CELF2: variants seen among roughly 807,000 people sequenced by gnomAD.
CELF2 encodes the protein CUG triplet repeat RNA-binding protein 2.
CELF2 carries 8 observed loss-of-function variants against 62.6 expected under a neutral mutation model. The ratio of observed to expected loss-of-function variants is 0.13; its 90% CI spans 0.07 to 0.23. The LOEUF (loss-of-function observed/expected upper bound fraction) is 0.23, where lower values mean the gene tolerates loss of function less well. Ranked by LOEUF, CELF2 falls within the 10% of genes least tolerant of loss-of-function variation. The probability of loss-of-function intolerance (pLI) is 1.00; values close to 1 mark genes in which losing one functional copy is unlikely to be tolerated. For synonymous variants in CELF2, 258 were observed against 250.0 expected (o/e 1.03, Z -0.30); for missense variants, 333 against 671.0 (o/e 0.50, Z 5.56).
At chr10:10,582,735 C>T in the CELF2 span, among the ~76,000 whole-genome samples, 7 of 151,946 alleles carry the variant, frequency 4.6e-5, no homozygotes, top group Admixed American at 6.6e-5. Context: ...TCCCTAAAAG[C>T]GTAAAAATAT....
intron 1 of CELF2, among the ~76,000 whole-genome samples, chr10:10,912,578 C>T (rs1291693859): frequency 2.6e-5 from 4 of 152,152 alleles, no homozygotes; most frequent in African/African-American, 4.8e-5. Context: ...CCATATTGGC[C>T]AGGGTGGTCT....
In CELF2 at chr10:10,970,442, T is replaced by G. The variant is rs537502920; in HGVS notation, c.89+50443T>G. ...AAGAGGAAACCCATCGAAAAGCTTT[T>G]GTTGATGCAGCCTGCTTAGAACAGA... On this transcript the variant is annotated intron_variant, in intron 2 of 13. Coordinates refer to the CELF2 transcript ENST00000636488. Among the ~76,000 whole-genome samples, 3 of 152,346 alleles carry G rather than the reference T, an allele frequency of 2.0e-5. No individual in the cohort carries two copies. The South Asian group carries it at 6.2e-4, about 32-fold the overall frequency.
chr10:11,080,859 G>C (rs547225841), intron 1 of CELF2, among the ~76,000 whole-genome samples: 25 of 152,318 alleles, frequency 1.6e-4, no homozygotes, highest in Middle Eastern at 6.8e-3. Context: ...GTTGATCCAC[G>C]TCTGTTGTCA....
At chr10:11,238,184 C>T (rs2072277008) in intron 3 of CELF2, among the ~76,000 whole-genome samples, 1 of 152,316 alleles carries the variant, frequency 6.6e-6, no homozygotes, top group South Asian at 2.1e-4. Flanking sequence ...TGTCAGTATA[C>T]TTCCCACTTA....
At chr10:11,103,201 C>T (rs2052285184) in intron 1 of CELF2, among the ~76,000 whole-genome samples, 1 of 152,136 alleles carries the variant, frequency 6.6e-6, no homozygotes, top group Admixed American at 6.5e-5. Flanking sequence ...GAAAAAAATC[C>T]ACGCTTTGCC....
rs746285729 is a variant in CELF2, at chr10:11,318,425, C to T, written c.1097-2764C>T. On this transcript the variant is annotated intron_variant, in intron 10 of 12. Coordinates refer to ENST00000633077, the MANE Select transcript of CELF2 (RefSeq NM_001326342.2). This position sits in a 1 kb window ranked among gnomAD's most constrained non-coding sequence, Gnocchi z 5.4. ...CTGCATCCCTTGCTCATGGTACCGC[C>T]TCTGCCACCTCCCCAGGGAAACAGG... The T allele has an allele frequency of 3.4e-6, 1 of 295,716 alleles. No individual in the cohort carries two copies. The highest frequency in any genetic ancestry group is 3.0e-5 in the South Asian group (1 of 33,278). 18.3% of individuals were successfully genotyped at this position (295,716 alleles called of 1,614,324 possible). A position where few individuals can be genotyped will look rare whatever the true frequency, so the allele number is the denominator to read the frequency against.
intron 1 of CELF2, among the ~76,000 whole-genome samples, chr10:11,062,410 A>G (rs1462828918): frequency 6.6e-6 from 1 of 152,226 alleles, no homozygotes; most frequent in Admixed American, 6.5e-5. Flanking sequence ...CCTTCTGGAA[A>G]GGATTTACCA....
intron 2 of CELF2, among the ~76,000 whole-genome samples, chr10:10,969,891 T>C (rs1473411073): frequency 2.0e-5 from 3 of 152,184 alleles, no homozygotes; most frequent in African/African-American, 7.2e-5. Context: ...AGTTTACCAA[T>C]GTACTACCTA....
chr10:10,522,093 T>C, the CELF2 span, among the ~76,000 whole-genome samples: 2 of 152,184 alleles, frequency 1.3e-5, no homozygotes, highest in African/African-American at 4.8e-5. Context: ...CTTCCTCACA[T>C]CTACTGCACC....
At position 11,306,947 on chromosome 10, in the gene CELF2, C is replaced by T. The variant is rs1395892534; in HGVS notation, c.977-7192C>T. Among the ~76,000 whole-genome samples the T allele has an allele frequency of 6.6e-6, 1 of 152,220 alleles. No individual in the cohort carries two copies. Among genetic ancestry groups the T allele is most frequent in the Non-Finnish European group, 1.5e-5 (1 of 68,042 alleles). On this transcript the variant is annotated intron_variant, in intron 9 of 12. Transcript: ENST00000633077. This position sits in a 1 kb window ranked among gnomAD's most constrained non-coding sequence, Gnocchi z 4.4. ...CCAGGGAGTTTCTAGGCCGCCTCCACCTCTCCTATGGCCCCCTGAGCTAGG... is the reference window on the plus strand; with the variant it reads ...CCAGGGAGTTTCTAGGCCGCCTCCATCTCTCCTATGGCCCCCTGAGCTAGG...
intron 7 of CELF2, among the ~76,000 whole-genome samples, 167 bp from the exon 8 acceptor site, chr10:11,274,890 G>A (rs1439988479): frequency 1.3e-5 from 2 of 152,176 alleles, no homozygotes; most frequent in Admixed American, 6.5e-5. Flanking sequence ...AATAGAGATT[G>A]GACATGAATA....
chr10:10,746,478 A>G, the CELF2 span, among the ~76,000 whole-genome samples: 2 of 152,220 alleles, frequency 1.3e-5, no homozygotes, highest in East Asian at 3.8e-4. Context: ...CATTTTATAT[A>G]GAGTTTGAAT....
chr10:11,157,647 CA>C lies in CELF2; in HGVS notation c.75-7836del, dbSNP rs2064806761. Among the ~76,000 whole-genome samples the C allele has an allele frequency of 6.6e-6, 1 of 152,184 alleles. No individual in the cohort carries two copies. The highest frequency in any genetic ancestry group is 1.5e-5 in the Non-Finnish European group (1 of 68,032). On this transcript the variant is annotated intron_variant, in intron 1 of 12. Transcript: ENST00000633077. The surrounding 1 kb of genome is among the most constrained non-coding windows in gnomAD (Gnocchi z 4.9). ...ACCTATTTTTCAGCTCTCTCACCTT[CA>C]AACCTACCACTGTGCCTGACATAAA... is the stretch of plus-strand genomic sequence containing the variant.
chr10:10,882,252 A>C (rs533054723), intron 1 of CELF2, among the ~76,000 whole-genome samples: 10 of 152,224 alleles, frequency 6.6e-5, no homozygotes, highest in Non-Finnish European at 1.5e-4. Context: ...CAGAAAAGTG[A>C]GGTCCAAAGA....
At chr10:10,471,694 T>C in the CELF2 span, among the ~76,000 whole-genome samples, 1 of 151,860 alleles carries the variant, frequency 6.6e-6, no homozygotes, top group Admixed American at 6.6e-5. Context: ...ATCATTTCTC[T>C]TTTAAAGAAT....
intron 2 of CELF2, among the ~76,000 whole-genome samples, chr10:10,956,055 G>A (rs1392239548): frequency 1.3e-5 from 2 of 152,118 alleles, no homozygotes; most frequent in Admixed American, 6.6e-5. Flanking sequence ...GAGAAGAAAG[G>A]GCAACCAAGA....
At chr10:10,609,914 C>G in the CELF2 span, among the ~76,000 whole-genome samples, 1 of 152,200 alleles carries the variant, frequency 6.6e-6, no homozygotes, top group Non-Finnish European at 1.5e-5. Flanking sequence ...TGCGTTGATT[C>G]AGAACTGCTC....
the CELF2 span, among the ~76,000 whole-genome samples, chr10:10,520,816 C>T: frequency 7.0e-4 from 106 of 152,092 alleles, no homozygotes; most frequent in Non-Finnish European, 1.5e-5. Context: ...ACCTATTATG[C>T]TCTAGGCTTC....
chr10:11,120,585 ACT>A (rs1280666115), intron 1 of CELF2, among the ~76,000 whole-genome samples: 1 of 150,888 alleles, frequency 6.6e-6, no homozygotes, highest in Non-Finnish European at 1.5e-5. Flanking sequence ...ACCAGCTGCC[ACT>A]CAGGGAGAGC....
Sources: allele counts gnomAD v4.1 joint callset (sites outside exome capture counted in the v4.1 genomes callset), GRCh38; gene constraint gnomAD v4.1.1; non-coding constraint Gnocchi (gnomAD v3.1); transcripts MANE v1.5; gene names NCBI Gene and HGNC (gene_info 2026-07-23, HGNC 2026-07-21).